NCBP1: variants seen among roughly 807,000 people sequenced by gnomAD.
NCBP1 encodes nuclear cap binding protein subunit 1.
Under a neutral mutation model 111.7 loss-of-function variants are expected in NCBP1, and 16 were observed. That is an observed-to-expected ratio of 0.14 (90% CI 0.10 to 0.22). NCBP1 has a LOEUF of 0.22. Ranked by LOEUF, NCBP1 falls within the 10% of genes least tolerant of loss-of-function variation. The pLI, the probability that NCBP1 is intolerant of heterozygous loss-of-function variation, is 1.00. For missense variants in NCBP1, 607 were observed against 957.5 expected, an observed-to-expected ratio of 0.63 and a Z score of 4.83; for synonymous variants, 304 against 314.3, an observed-to-expected ratio of 0.97 and a Z score of 0.35.
At position 97,669,612 on chromosome 9, in the gene NCBP1, C is replaced by T; in HGVS notation, c.2165C>T (p.Thr722Ile). Residue 722 changes from threonine (T) to isoleucine (I), a missense_variant, in exon 22 of 23, where the codon ACC (threonine) becomes ATC (isoleucine). Thr to Ile is a moderately conservative substitution (Grantham distance 89). This residue lies in a region of NCBP1 where 282 missense variants were observed against 376.5 expected (regional missense o/e 0.75). Coordinates refer to ENST00000375147, the MANE Select transcript of NCBP1 (RefSeq NM_002486.5). ...VIFQRFIMIL[T>I]EHLVRCETDG... ...TTCCAGCGGTTTATCATGATCTTGA[C>T]CGAGCACCTAGTACGATGCGAAACT... is the stretch of plus-strand genomic sequence containing the variant. 1 of 1,610,378 alleles carries T rather than the reference C, an allele frequency of 6.2e-7. No individual in the cohort carries two copies. The highest frequency in any genetic ancestry group is 8.5e-7 in the Non-Finnish European group (1 of 1,176,678).
chr9:97,634,910 G>T (rs1006515594), intron 1 of NCBP1, among the ~76,000 whole-genome samples: 2 of 152,094 alleles, frequency 1.3e-5, no homozygotes, highest in African/African-American at 2.4e-5. Context: ...CAGAAGTAAT[G>T]ATATTTATAT....
At chr9:97,650,203 CTG>C (rs1399601810) in intron 8 of NCBP1, among the ~76,000 whole-genome samples, 3 of 152,188 alleles carry the variant, frequency 2.0e-5, no homozygotes, top group East Asian at 1.9e-4. Context: ...AAAATAAACT[CTG>C]TAAGACTTGT....
chr9:97,640,863 T>C lies in NCBP1; in HGVS notation c.104T>C (p.Ile35Thr), dbSNP rs2131333831. 6.2e-7 allele frequency: 1 copy of C among 1,607,544 alleles called. No homozygotes were observed. Among genetic ancestry groups the C allele is most frequent in the East Asian group, 2.2e-5 (1 of 44,570 alleles). Reference sequence around the variant, plus strand: ...ACTGAAGATCATTTGGAATCTTTAATATGTAAAGTAGGAGAAAAGGTATGT... The same window carrying C: ...ACTGAAGATCATTTGGAATCTTTAACATGTAAAGTAGGAGAAAAGGTATGT... Reference protein sequence around the residue: ...NETEDHLESLICKVGEKSACS... With the variant: ...NETEDHLESLTCKVGEKSACS... The change falls in exon 2 of 23, where the codon ATA (isoleucine) becomes ACA (threonine). Residue 35 changes from isoleucine to threonine, a missense_variant. Ile to Thr is a moderately conservative substitution (Grantham distance 89). Coordinates refer to ENST00000375147, the MANE Select transcript of NCBP1 (RefSeq NM_002486.5).
At position 97,643,207 on chromosome 9, in the gene NCBP1, A is replaced by T; in HGVS notation, c.228A>T (p.Ala76=). The change falls in exon 4 of 23, where the codon GCA becomes GCT. Residue 76 remains alanine, a synonymous_variant. Coordinates refer to ENST00000375147, the MANE Select transcript of NCBP1 (RefSeq NM_002486.5). The part of the protein sequence containing the change: ...SKILRLLCTV[A]RLLPEKLTIY... ...TTATACTGGGTTCTTAAATCAGTGCACGCCTATTACCTGAGAAGCTGACAA... is the reference window on the plus strand; with the variant it reads ...TTATACTGGGTTCTTAAATCAGTGCTCGCCTATTACCTGAGAAGCTGACAA... 6.2e-7 allele frequency: 1 copy of T among 1,602,946 alleles called. No homozygotes were observed. The highest frequency in any genetic ancestry group is 8.5e-7 in the Non-Finnish European group (1 of 1,177,092).
intron 4 of NCBP1, among the ~76,000 whole-genome samples, chr9:97,644,810 A>G (rs1417454362): frequency 1.3e-5 from 2 of 152,224 alleles, no homozygotes; most frequent in African/African-American, 4.8e-5. Flanking sequence ...TTGTAGCACA[A>G]AAGCAACCAT....
At position 97,658,654 on chromosome 9, in the gene NCBP1, A is replaced by T. The variant is rs761774774; in HGVS notation, c.1388A>T (p.Gln463Leu). 36 of 1,610,816 alleles carry T rather than the reference A, an allele frequency of 2.2e-5. No homozygotes were observed. The highest frequency in any genetic ancestry group is 3.1e-5 in the Non-Finnish European group (36 of 1,177,344). The change falls in exon 15 of 23, where the codon CAG (glutamine) becomes CTG (leucine). Residue 463 changes from glutamine (Q) to leucine (L), a missense_variant. Coordinates refer to ENST00000375147, the MANE Select transcript of NCBP1 (RefSeq NM_002486.5). ...TTGTATTGTAGGTTGTCTTACCATC[A>T]GCGTATATTAGATATTGTTCCTCCT... is the stretch of plus-strand genomic sequence containing the variant. Reference protein sequence around the residue: ...LEKCMRLSYHQRILDIVPPTF... With the variant: ...LEKCMRLSYHLRILDIVPPTF...
intron 19 of NCBP1, among the ~76,000 whole-genome samples, chr9:97,665,772 C>G (rs1827982217): frequency 6.7e-6 from 1 of 148,898 alleles, no homozygotes; most frequent in African/African-American, 2.5e-5. Flanking sequence ...CCACCCCACA[C>G]AGTCAAAAAT....
chr9:97,634,959 T>C (rs74306826), intron 1 of NCBP1, among the ~76,000 whole-genome samples: 1 of 152,320 alleles, frequency 6.6e-6, no homozygotes, highest in African/African-American at 2.4e-5. Context: ...GTAATACACA[T>C]CAGCAACAAT....
At chr9:97,666,248 T>C (rs745834158) in intron 19 of NCBP1, among the ~76,000 whole-genome samples, 44 of 152,218 alleles carry the variant, frequency 2.9e-4, no homozygotes, top group Non-Finnish European at 5.1e-4. Context: ...CATATAATTA[T>C]CTCATTCTTA....
chr9:97,652,891 G>A (rs79440082), intron 10 of NCBP1, among the ~76,000 whole-genome samples: 2,131 of 152,254 alleles, frequency 0.014, 102 homozygotes, highest in East Asian at 0.13. Flanking sequence ...TCATCAGACC[G>A]AAGTGTAGAA....
chr9:97,659,800 G>A (rs59205756), intron 15 of NCBP1, among the ~76,000 whole-genome samples: 2 of 152,030 alleles, frequency 1.3e-5, no homozygotes, highest in South Asian at 2.1e-4. Flanking sequence ...CTTTCTTTTT[G>A]CCCCATAGGA....
chr9:97,661,181 C>A, intron 16 of NCBP1, 113 bp downstream of exon 16: 1 of 1,284,910 alleles, frequency 7.8e-7, no homozygotes, highest in Non-Finnish European at 1.1e-6. Flanking sequence ...TCTGTTTGAC[C>A]TGTTCAGACT....
At position 97,662,926 on chromosome 9, in the gene NCBP1, G is replaced by A. The variant is rs1462842155; in HGVS notation, c.1704-28G>A. On this transcript the variant is annotated intron_variant, in intron 17 of 22. Coordinates refer to ENST00000375147, the MANE Select transcript of NCBP1 (RefSeq NM_002486.5). ...AAATGTTTAATGAATAAGTATATAT[G>A]GTATTTTTTTCCCATCATTATCAAA... 7 of 1,488,540 alleles carry A rather than the reference G, an allele frequency of 4.7e-6. No individual in the cohort carries two copies. In the African/African-American group the frequency reaches 8.4e-5, roughly 18 times the overall value. 92.2% of individuals were successfully genotyped at this position (1,488,540 alleles called of 1,614,324 possible).
At chr9:97,646,863 GA>G (rs1314525477) in intron 6 of NCBP1, among the ~76,000 whole-genome samples, 1 of 121,290 alleles carries the variant, frequency 8.2e-6, no homozygotes, top group African/African-American at 3.0e-5. Flanking sequence ...AAAAAAAAAA[GA>G]ATCGTGTGTG....
At chr9:97,648,944 C>A (rs1016010005) in intron 8 of NCBP1, among the ~76,000 whole-genome samples, 4 of 152,082 alleles carry the variant, frequency 2.6e-5, no homozygotes, top group Non-Finnish European at 5.9e-5. Flanking sequence ...TCAAGCAATT[C>A]GTCCGCTTCG....
At chr9:97,665,946 G>A (rs540860220) in intron 19 of NCBP1, among the ~76,000 whole-genome samples, 1 of 152,214 alleles carries the variant, frequency 6.6e-6, no homozygotes, top group South Asian at 2.1e-4. Context: ...AAGTGAGAGT[G>A]GATCATCATA....
chr9:97,660,892 GA>G, intron 15 of NCBP1, 53 bp from the exon 16 acceptor site: 1 of 1,542,450 alleles, frequency 6.5e-7, no homozygotes, highest in Non-Finnish European at 8.7e-7. Context: ...CTGTTCATTA[GA>G]ATAGTCTTGA....
At chr9:97,670,975 C>T in intron 22 of NCBP1, 111 bp from the exon 23 acceptor site, 16 of 594,304 alleles carry the variant, frequency 2.7e-5, no homozygotes, top group Non-Finnish European at 4.3e-5. Flanking sequence ...TTTTTTTTCC[C>T]CTTCCTCTTT....
At chr9:97,657,885 G>GCGCTCTCTCTCTCT (rs1554694967) in intron 14 of NCBP1, among the ~76,000 whole-genome samples, 2 of 114,028 alleles carry the variant, frequency 1.8e-5, no homozygotes, top group African/African-American at 7.3e-5. Flanking sequence ...GCCCCGGTAA[G>GCGCTCTCTCTCTCT]CTCTCTCTCT....
Sources: gnomAD v4.1 joint callset for allele counts (sites outside exome capture counted in the v4.1 genomes callset) on GRCh38, gnomAD v4.1.1 for gene constraint, gnomAD v4.1.1 regional missense constraint, MANE v1.5 for transcripts, NCBI Gene and HGNC (gene_info 2026-07-23, HGNC 2026-07-21) for gene names.